Variants in APBB1IP observed in about 807,000 individuals in gnomAD.
The protein encoded by APBB1IP is amyloid beta A4 precursor protein-binding family B member 1-interacting protein.
A neutral mutation model predicts 64.9 loss-of-function variants in APBB1IP; 27 were observed. The ratio of observed to expected loss-of-function variants is 0.42; its 90% CI spans 0.31 to 0.57. APBB1IP has a LOEUF of 0.57. APBB1IP is among the 20% of genes least tolerant of loss of function. The pLI is 0.20. For missense variants in APBB1IP, 812 were observed against 845.5 expected (o/e 0.96, Z 0.49); for synonymous variants, 392 against 331.0 (o/e 1.18, Z -2.00).
chr10:26,443,317 G>A (rs1021949613), intron 2 of APBB1IP, among the ~76,000 whole-genome samples: 3 of 151,828 alleles, frequency 2.0e-5, no homozygotes, highest in Non-Finnish European at 2.9e-5. Flanking sequence ...CCAGCCACTC[G>A]GGAGGCTGAG....
chr10:26,562,252 G>A, intron 13 of APBB1IP, 74 bp from the exon 14 acceptor site: 9 of 1,143,040 alleles, frequency 7.9e-6, no homozygotes, highest in Non-Finnish European at 1.2e-5. Flanking sequence ...AAACTGCTTT[G>A]TATTTTCAGA....
chr10:26,504,539 G>A (rs889215026), intron 6 of APBB1IP, among the ~76,000 whole-genome samples: 1 of 151,998 alleles, frequency 6.6e-6, no homozygotes, highest in African/African-American at 2.4e-5. Context: ...GTGAAACCCT[G>A]TCTATACTAA....
intron 2 of APBB1IP, among the ~76,000 whole-genome samples, chr10:26,488,360 C>CAAGT (rs1411964940): frequency 6.6e-6 from 1 of 152,064 alleles, no homozygotes; most frequent in Non-Finnish European, 1.5e-5. Context: ...CTCAGCCTCC[C>CAAGT]AAGTATGTGG....
intron 2 of APBB1IP, among the ~76,000 whole-genome samples, chr10:26,473,956 C>T (rs890688611): frequency 6.8e-6 from 1 of 146,622 alleles, no homozygotes; most frequent in African/African-American, 2.6e-5. Context: ...GAGCCGAGAT[C>T]GCACCACTGC....
intron 11 of APBB1IP, among the ~76,000 whole-genome samples, chr10:26,549,785 T>C (rs996265455): frequency 2.6e-5 from 4 of 152,086 alleles, no homozygotes; most frequent in African/African-American, 9.7e-5. Flanking sequence ...ATTTGTGTTT[T>C]AGCCTCTTTT....
At chr10:26,470,354 T>C (rs1170255036) in intron 2 of APBB1IP, among the ~76,000 whole-genome samples, 2 of 151,944 alleles carry the variant, frequency 1.3e-5, no homozygotes, top group African/African-American at 4.8e-5. Context: ...CTGACCAATA[T>C]GGTGAAACCC....
In APBB1IP at chr10:26,501,071, A is replaced by G. The variant is rs201918022; in HGVS notation, c.413A>G (p.Asp138Gly). ...CCTCCACCAGCCGATCCTGTGTTAG[A>G]CCTTCCACTGCCACCACCACCTCCT... ...LPPPPADPVL[D>G]LPLPPPPPEP... The change falls in exon 5 of 15, where the codon GAC becomes GGC. Residue 138 changes from aspartate (D) to glycine (G), a missense_variant. Physicochemically the swap from Asp to Gly is moderately conservative, Grantham distance 94. Transcript: ENST00000376236. 5.0e-6 allele frequency: 8 copies of G among 1,613,836 alleles called. No homozygotes were observed. Among genetic ancestry groups the G allele is most frequent in the Non-Finnish European group, 6.8e-6 (8 of 1,179,984 alleles).
chr10:26,475,184 G>A (rs1229633826), intron 2 of APBB1IP, among the ~76,000 whole-genome samples: 4 of 149,968 alleles, frequency 2.7e-5, no homozygotes, highest in Admixed American at 6.6e-5. Flanking sequence ...GTGCAGTGGT[G>A]CAATCTCGGT....
chr10:26,511,336 T>G (rs1836256927), intron 6 of APBB1IP, among the ~76,000 whole-genome samples: 1 of 152,098 alleles, frequency 6.6e-6, no homozygotes, highest in African/African-American at 2.4e-5. Flanking sequence ...AGAGCAAGAA[T>G]CCATCTCAAA....
intron 11 of APBB1IP, among the ~76,000 whole-genome samples, chr10:26,553,854 T>C (rs775337398): frequency 1.3e-5 from 2 of 152,168 alleles, no homozygotes; most frequent in South Asian, 2.1e-4. Context: ...TTTGCATTGA[T>C]GACAGCATCC....
intron 8 of APBB1IP, among the ~76,000 whole-genome samples, chr10:26,524,955 C>CTTTCTTTTTTTTT (rs747655095): frequency 4.1e-5 from 3 of 73,954 alleles, no homozygotes; most frequent in Admixed American, 2.1e-4. Context: ...TTCTTTCTTT[C>CTTTCTTTTTTTTT]TTTTTTTTTT....
intron 2 of APBB1IP, among the ~76,000 whole-genome samples, chr10:26,481,906 C>G (rs935968962): frequency 1.3e-5 from 2 of 151,284 alleles, no homozygotes; most frequent in Admixed American, 6.6e-5. Flanking sequence ...AAAGCACTCT[C>G]TTAGTATTTT....
At chr10:26,454,675 T>G (rs1835502917) in intron 2 of APBB1IP, among the ~76,000 whole-genome samples, 1 of 152,102 alleles carries the variant, frequency 6.6e-6, no homozygotes, top group Non-Finnish European at 1.5e-5. Flanking sequence ...ATGACTATAG[T>G]CAATAATAAT....
At chr10:26,565,038 C>G (rs1430029852) in intron 14 of APBB1IP, among the ~76,000 whole-genome samples, 1 of 152,116 alleles carries the variant, frequency 6.6e-6, no homozygotes, top group African/African-American at 2.4e-5. Flanking sequence ...CAAAATCAGG[C>G]AGAAAGGTCT....
intron 8 of APBB1IP, among the ~76,000 whole-genome samples, chr10:26,519,155 G>A (rs997410598): frequency 7.3e-5 from 11 of 149,932 alleles, no homozygotes; most frequent in East Asian, 2.0e-4. Context: ...GTGGGGTGGG[G>A]TGGGGGGCAT....
chr10:26,504,847 T>C (rs548083498), intron 6 of APBB1IP, among the ~76,000 whole-genome samples: 24 of 152,284 alleles, frequency 1.6e-4, no homozygotes, highest in Non-Finnish European at 3.1e-4. Flanking sequence ...CTTAAACTCC[T>C]GGGGTCAAGC....
intron 11 of APBB1IP, among the ~76,000 whole-genome samples, chr10:26,550,464 T>C (rs1015473113): frequency 6.6e-6 from 1 of 152,184 alleles, no homozygotes; most frequent in Non-Finnish European, 1.5e-5. Context: ...TCCTTTTTTC[T>C]CCTTTGACTA....
intron 2 of APBB1IP, among the ~76,000 whole-genome samples, chr10:26,445,204 TAAAAC>T (rs964628692): frequency 1.3e-4 from 19 of 149,200 alleles, no homozygotes; most frequent in African/African-American, 3.7e-4. Flanking sequence ...AAAGGGGACA[TAAAAC>T]AAAGTCTTTG....
intron 2 of APBB1IP, among the ~76,000 whole-genome samples, chr10:26,446,655 C>T (rs1262004581): frequency 6.6e-6 from 1 of 152,172 alleles, no homozygotes; most frequent in Non-Finnish European, 1.5e-5. Flanking sequence ...TTTCACCACA[C>T]GTCTATTGAT....
Sources: gnomAD v4.1 joint callset for allele counts (sites outside exome capture counted in the v4.1 genomes callset) on GRCh38, gnomAD v4.1.1 for gene constraint, MANE v1.5 for transcripts, NCBI Gene and HGNC (gene_info 2026-07-23, HGNC 2026-07-21) for gene names.